Variants in SMN2 observed in about 807,000 individuals in gnomAD.
SMN2 encodes the protein survival motor neuron protein.
In SMN2, 1 loss-of-function variant was observed where a neutral mutation model predicts 2.8. The observed-to-expected ratio is 0.35, with a 90% CI of 0.13 to 1.68. The LOEUF is 1.68. Among genes scored for constraint, SMN2 ranks in the 40% most tolerant of loss-of-function variants. SMN2 has a pLI of 0.35. For missense variants in SMN2, 12 were observed against 16.9 expected (o/e 0.71, Z 0.51); for synonymous variants, 5 against 5.0 (o/e 0.99, Z 0.01).
At chr5:70,084,989 T>G in the SMN2 span, among the ~76,000 whole-genome samples, 20 of 138,552 alleles carry the variant, frequency 1.4e-4, no homozygotes, top group Admixed American at 5.8e-4. Flanking sequence ...TGTGTAGCTT[T>G]CTTACTATAA....
At chr5:70,082,693 T>TG (rs1289325684), downstream of SMN2, among the ~76,000 whole-genome samples, 22 of 82,938 alleles carry the variant, frequency 2.7e-4, no homozygotes, top group Admixed American at 2.6e-4. Flanking sequence ...TGTATTTCTG[T>TG]GGGATCGGTG....
downstream of SMN2, among the ~76,000 whole-genome samples, chr5:70,079,172 C>T (rs1365773289): frequency 4.1e-4 from 56 of 137,746 alleles, no homozygotes; most frequent in Admixed American, 1.9e-3. Flanking sequence ...GCAGCTCACA[C>T]CTGTAATCCC....
chr5:70,080,782 T>C (rs1223552600), downstream of SMN2, among the ~76,000 whole-genome samples: 136 of 123,268 alleles, frequency 1.1e-3, no homozygotes, highest in African/African-American at 2.1e-3. Flanking sequence ...CTTTGTCAGA[T>C]GAGTAGATTG....
downstream of SMN2, among the ~76,000 whole-genome samples, chr5:70,079,652 G>T (rs1236271159): frequency 3.6e-5 from 5 of 137,618 alleles, no homozygotes; most frequent in Admixed American, 1.5e-4. Context: ...AGCTACTGGA[G>T]AGGCTGAGGC....
At chr5:70,083,933 C>A in the SMN2 span, among the ~76,000 whole-genome samples, 9 of 120,308 alleles carry the variant, frequency 7.5e-5, 4 homozygotes, top group African/African-American at 3.8e-4. Flanking sequence ...GCACATGTAC[C>A]CTAAAACTTA....
At chr5:70,079,766 AAAACC>A (rs1392742450), downstream of SMN2, among the ~76,000 whole-genome samples, 2 of 127,746 alleles carry the variant, frequency 1.6e-5, no homozygotes, top group Middle Eastern at 3.3e-3. Flanking sequence ...CTCAAAAAAA[AAAACC>A]AAACCAAAGC....
chr5:70,076,518 C>G lies in SMN2; in HGVS notation c.835-3C>G. ...TTTTTAACTTCCTTTATTTTCCTTA[C>G]AGGGTTTTAGACAAAATCAAAAAGA... On this transcript the variant is annotated splice_region_variant and splice_polypyrimidine_tract_variant and intron_variant, in intron 7 of 8. Transcript: ENST00000380743. 1 of 1,458,118 alleles carries G rather than the reference C, an allele frequency of 6.9e-7. No homozygotes were observed. Among genetic ancestry groups the G allele is most frequent in the East Asian group, 2.4e-5 (1 of 42,242 alleles). 90.3% of individuals were successfully genotyped at this position (1,458,118 alleles called of 1,614,324 possible).
At chr5:70,085,311 G>A in the SMN2 span, among the ~76,000 whole-genome samples, 1 of 130,260 alleles carries the variant, frequency 7.7e-6, no homozygotes, top group Middle Eastern at 3.2e-3. Flanking sequence ...GCATAATCTC[G>A]GCTCACTGCA....
the SMN2 span, among the ~76,000 whole-genome samples, chr5:70,084,139 G>T: frequency 1.4e-5 from 1 of 73,598 alleles, no homozygotes; most frequent in Admixed American, 1.6e-4. Flanking sequence ...TTAGGATTAA[G>T]TATCTAGAAT....
At chr5:70,079,769 A>G (rs1328422132), downstream of SMN2, among the ~76,000 whole-genome samples, 1 of 124,952 alleles carries the variant, frequency 8.0e-6, no homozygotes, top group Non-Finnish European at 1.6e-5. Flanking sequence ...AAAAAAAAAA[A>G]CCAAACCAAA....
chr5:70,075,212 G>T, intron 7 of SMN2, among the ~76,000 whole-genome samples: 1 of 75,324 alleles, frequency 1.3e-5, no homozygotes. Context: ...GTTTTGTTTT[G>T]TTTTTTGTTT....
At chr5:70,083,693 A>G in the SMN2 span, among the ~76,000 whole-genome samples, 1 of 132,420 alleles carries the variant, frequency 7.6e-6, no homozygotes, top group Non-Finnish European at 1.6e-5. Context: ...TCAGTAAACT[A>G]TCGCAAGGAC....
chr5:70,079,344 A>G (rs1272083919), downstream of SMN2, among the ~76,000 whole-genome samples: 4 of 143,314 alleles, frequency 2.8e-5, 1 homozygote, highest in East Asian at 4.2e-4. Flanking sequence ...AGGCAGGAGA[A>G]TTGCTTGAAC....
intron 7 of SMN2, among the ~76,000 whole-genome samples, chr5:70,074,948 C>T (rs1228226849): frequency 8.0e-6 from 1 of 124,544 alleles, no homozygotes; most frequent in African/African-American, 3.2e-5. Context: ...GCCAAGATTG[C>T]ACCATTGCAC....
chr5:70,070,208 ATT>A (rs879531065), intron 6 of SMN2, among the ~76,000 whole-genome samples: 2 of 116,590 alleles, frequency 1.7e-5, no homozygotes. Context: ...TTTATGCTTG[ATT>A]TTTTTTTTTT....
At chr5:70,052,925 G>A (rs1322501274) in intron 1 of SMN2, among the ~76,000 whole-genome samples, 19 of 122,924 alleles carry the variant, frequency 1.5e-4, no homozygotes, top group Admixed American at 2.5e-4. Flanking sequence ...TGTACTGCCA[G>A]TCCTAATGAA....
chr5:70,083,456 A>G (rs1266836461), downstream of SMN2, among the ~76,000 whole-genome samples: 1 of 136,284 alleles, frequency 7.3e-6, no homozygotes, highest in East Asian at 2.1e-4. Flanking sequence ...TACTGGGTAT[A>G]TACCCAAAGG....
At chr5:70,083,357 C>T (rs1255353450), downstream of SMN2, among the ~76,000 whole-genome samples, 2 of 135,916 alleles carry the variant, frequency 1.5e-5, no homozygotes, top group Non-Finnish European at 3.1e-5. Context: ...GTGGAGAGTT[C>T]TGTAAACTGC....
chr5:70,075,040 A>AT lies in SMN2; in HGVS notation c.835-1475dup, dbSNP rs1235217110. 1.4e-4 allele frequency among the ~76,000 whole-genome samples: 17 copies of AT among 121,524 alleles called. 2 individuals carry two copies. The highest frequency in any genetic ancestry group is 5.5e-4 in the African/African-American group (16 of 29,232). 79.7% of individuals were successfully genotyped at this position (121,524 alleles called of 152,430 possible). ...TTTTTTTAAATTAATTAGTTTATTTATTTTTTAAGATGGAGTTTTGCCCTG... is the reference window on the plus strand; with the variant it reads ...TTTTTTTAAATTAATTAGTTTATTTATTTTTTTAAGATGGAGTTTTGCCCTG... On this transcript the variant is annotated intron_variant, in intron 7 of 8. Coordinates refer to ENST00000380743, the MANE Select transcript of SMN2 (RefSeq NM_017411.4).
Sources: allele counts gnomAD v4.1 joint callset (sites outside exome capture counted in the v4.1 genomes callset), GRCh38; gene constraint gnomAD v4.1.1; transcripts MANE v1.5; gene names NCBI Gene and HGNC (gene_info 2026-07-23, HGNC 2026-07-21).